C1orf21: variants seen among roughly 807,000 people sequenced by gnomAD.
C1orf21 encodes the protein uncharacterized protein C1orf21.
In C1orf21, 3 loss-of-function variants were observed where a neutral mutation model predicts 18.7. That is an observed-to-expected ratio of 0.16 (90% confidence interval 0.07 to 0.42). The LOEUF is 0.42. Ranked by LOEUF, C1orf21 falls within the 10% of genes least tolerant of loss-of-function variation. The pLI, the probability that C1orf21 is intolerant of heterozygous loss-of-function variation, is 0.99. For missense variants in C1orf21, 104 were observed against 143.6 expected (o/e 0.72, Z 1.41); for synonymous variants, 41 against 46.4 (o/e 0.88, Z 0.47).
intron 1 of C1orf21, among the ~76,000 whole-genome samples, chr1:184,401,231 A>AT (rs934229288): frequency 2.7e-5 from 4 of 150,708 alleles, no homozygotes. Flanking sequence ...ACTTATTTTT[A>AT]TTTTTTGAGA....
intron 1 of C1orf21, among the ~76,000 whole-genome samples, chr1:184,446,721 A>C (rs1209244691): frequency 1.3e-5 from 2 of 151,994 alleles, no homozygotes; most frequent in Non-Finnish European, 2.9e-5. Context: ...GAAAAAAAAA[A>C]CAAAACAATA....
At chr1:184,537,967 G>T (rs1170980884) in intron 3 of C1orf21, among the ~76,000 whole-genome samples, 2 of 152,100 alleles carry the variant, frequency 1.3e-5, no homozygotes, top group Non-Finnish European at 1.5e-5. Flanking sequence ...CAATTCTCTT[G>T]GGCACATACC....
At chr1:184,600,318 C>T (rs1258071388) in intron 5 of C1orf21, among the ~76,000 whole-genome samples, 1 of 152,098 alleles carries the variant, frequency 6.6e-6, no homozygotes, top group Non-Finnish European at 1.5e-5. Flanking sequence ...AGGTGTGTGT[C>T]ACCACGCCCA....
rs146679171 is a variant in C1orf21 at position 184,443,994 on chromosome 1, C to T, written c.-124-33392C>T. 8.6e-3 allele frequency among the ~76,000 whole-genome samples: 1,306 copies of T among 152,196 alleles called. 5 individuals are homozygous for T. The highest frequency in any genetic ancestry group is 0.014 in the Non-Finnish European group (927 of 67,992). On this transcript the variant is annotated intron_variant, in intron 1 of 5. Coordinates refer to ENST00000235307, the MANE Select transcript of C1orf21 (RefSeq NM_030806.4). ...ATGAGCTGGTCATTGAAAATTATTT[C>T]AATTATAAGACTCTTGCCTAGGGGG...
Position 184,625,564 on chromosome 1 carries a change from A to C in C1orf21, c.*6008A>C, listed in dbSNP as rs1249996390. On this transcript the variant is annotated 3_prime_UTR_variant, in exon 6 of 6. Transcript: ENST00000235307. ...CATACACATACACGCGCATACATAC[A>C]TATACAGAGAGATACGTGGAGAAAG... 1.3e-5 allele frequency: 2 copies of C among 152,600 alleles called. No individual in the cohort carries two copies. The highest frequency in any genetic ancestry group is 2.9e-5 in the Non-Finnish European group (2 of 68,044). The allele number at this position is 152,600 out of a possible 1,614,324, so 9.5% of individuals were successfully genotyped here. A position where few individuals can be genotyped will look rare whatever the true frequency, so the allele number is the denominator to read the frequency against.
intron 1 of C1orf21, among the ~76,000 whole-genome samples, chr1:184,404,004 A>C (rs1656204205): frequency 6.6e-6 from 1 of 152,200 alleles, no homozygotes; most frequent in African/African-American, 2.4e-5. Context: ...GAACATAATA[A>C]ATAGGAAATG....
intron 1 of C1orf21, among the ~76,000 whole-genome samples, chr1:184,402,234 AG>A (rs1446355353): frequency 6.6e-6 from 1 of 152,236 alleles, no homozygotes; most frequent in African/African-American, 2.4e-5. Context: ...TTGTAGAGAC[AG>A]TCATCTGTAT....
chr1:184,609,927 A>G (rs779295883), intron 5 of C1orf21, among the ~76,000 whole-genome samples: 1 of 152,232 alleles, frequency 6.6e-6, no homozygotes, highest in Non-Finnish European at 1.5e-5. Context: ...TTGATTTTCA[A>G]TGTTTTCATG....
intron 3 of C1orf21, among the ~76,000 whole-genome samples, chr1:184,524,693 A>G (rs1297210098): frequency 2.0e-5 from 3 of 152,102 alleles, no homozygotes; most frequent in Non-Finnish European, 4.4e-5. Flanking sequence ...TAGACAAATA[A>G]ATACAGCTGG....
At chr1:184,537,765 C>T (rs937832148) in intron 3 of C1orf21, among the ~76,000 whole-genome samples, 1 of 152,146 alleles carries the variant, frequency 6.6e-6, no homozygotes, top group Non-Finnish European at 1.5e-5. Context: ...ACTCTCCTGC[C>T]TCAGCCTCCC....
chr1:184,580,866 A>C (rs1038564432), intron 3 of C1orf21, among the ~76,000 whole-genome samples: 1 of 152,248 alleles, frequency 6.6e-6, no homozygotes, highest in East Asian at 1.9e-4. Context: ...TTTGAAATCC[A>C]TGCATATTTT....
Position 184,620,342 on chromosome 1 carries a change from A to T in C1orf21, c.*786A>T, listed in dbSNP as rs1025789718. The T allele has an allele frequency of 2.0e-5, 3 of 152,442 alleles. No individual in the cohort carries two copies. Among genetic ancestry groups the T allele is most frequent in the Non-Finnish European group, 4.4e-5 (3 of 68,016 alleles). The allele number at this position is 152,442 out of a possible 1,614,324, so 9.4% of individuals were successfully genotyped here. On this transcript the variant is annotated 3_prime_UTR_variant, in exon 6 of 6. Coordinates refer to ENST00000235307, the MANE Select transcript of C1orf21 (RefSeq NM_030806.4). ...TTTTTATGGATCCTTGTCTTCTCCC[A>T]TTCATCCAGCTCAGTGTTTTAAGAT...
chr1:184,451,047 T>G (rs1657112872), intron 1 of C1orf21, among the ~76,000 whole-genome samples: 1 of 152,200 alleles, frequency 6.6e-6, no homozygotes, highest in South Asian at 2.1e-4. Context: ...CCAGCTAATT[T>G]TTGTATTTTT....
chr1:184,492,229 G>A (rs934562270), intron 2 of C1orf21, among the ~76,000 whole-genome samples: 8 of 152,218 alleles, frequency 5.3e-5, no homozygotes, highest in African/African-American at 1.9e-4. Flanking sequence ...GTTACATTTG[G>A]ATTCTGCCAC....
chr1:184,425,135 G>A (rs759163004), intron 1 of C1orf21, among the ~76,000 whole-genome samples: 62 of 152,286 alleles, frequency 4.1e-4, no homozygotes, highest in Non-Finnish European at 8.1e-4. Flanking sequence ...TATCCCATGT[G>A]ATTGGGTGAT....
chr1:184,410,421 G>A (rs1031807936), intron 1 of C1orf21, among the ~76,000 whole-genome samples: 13 of 150,402 alleles, frequency 8.6e-5, no homozygotes, highest in Non-Finnish European at 5.9e-5. Flanking sequence ...CAAAACGAGA[G>A]TCAATTTGTT....
At chr1:184,485,512 C>CT (rs1394078466) in intron 2 of C1orf21, among the ~76,000 whole-genome samples, 1 of 152,144 alleles carries the variant, frequency 6.6e-6, no homozygotes, top group African/African-American at 2.4e-5. Context: ...ATTTCCTTCT[C>CT]TTTCAAGTTT....
At chr1:184,495,686 C>T (rs1258606492) in intron 2 of C1orf21, among the ~76,000 whole-genome samples, 1 of 151,930 alleles carries the variant, frequency 6.6e-6, no homozygotes, top group African/African-American at 2.4e-5. Context: ...CTTTGGGAGG[C>T]CAAGGCGGGT....
Position 184,507,627 on chromosome 1 carries a change from T to A in C1orf21, c.134T>A (p.Met45Lys). The A allele has an allele frequency of 4.4e-6, 7 of 1,606,560 alleles. No individual in the cohort carries two copies. The highest frequency in any genetic ancestry group is 5.9e-6 in the Non-Finnish European group (7 of 1,177,542). ...AAACCAGTGGAAGAGGTCAAATACA[T>A]GAAAAATGGGGCAGAAGAAGAGCAG... is the stretch of plus-strand genomic sequence containing the variant. ...RIKPVEEVKY[M>K]KNGAEEEQKI... Residue 45 changes from methionine (M) to lysine (K), a missense_variant, in exon 3 of 6, where the codon ATG becomes AAG. Physicochemically the swap from Met to Lys is moderately conservative, Grantham distance 95. Transcript: ENST00000235307.
Sources: allele counts gnomAD v4.1 joint callset (sites outside exome capture counted in the v4.1 genomes callset), GRCh38; gene constraint gnomAD v4.1.1; transcripts MANE v1.5; gene names NCBI Gene and HGNC (gene_info 2026-07-23, HGNC 2026-07-21).